Variants in TMEM74 observed in about 807,000 individuals in gnomAD.
TMEM74 encodes the protein transmembrane protein 74.
TMEM74 carries 13 observed loss-of-function variants against 18.1 expected under a neutral mutation model. That is an observed-to-expected ratio of 0.72 (90% confidence interval 0.47 to 1.14). TMEM74 has a LOEUF of 1.14. Ranked by LOEUF, TMEM74 falls within the 50% of genes most tolerant of loss-of-function variation. TMEM74 has a pLI of 0.00. For synonymous variants in TMEM74, 159 were observed against 146.6 expected (o/e 1.08, Z -0.61); for missense variants, 372 against 375.9 (o/e 0.99, Z 0.09).
intron 1 of TMEM74, among the ~76,000 whole-genome samples, chr8:108,657,883 T>TATATATATATATATTAATTAC (rs1812859464): frequency 8.8e-6 from 1 of 113,828 alleles, no homozygotes; most frequent in African/African-American, 3.6e-5. Context: ...TATATATATA[T>TATATATATATATATTAATTAC]ATATATATAT....
intron 1 of TMEM74, among the ~76,000 whole-genome samples, chr8:108,662,898 TA>T (rs1296549455): frequency 1.3e-5 from 2 of 152,118 alleles, no homozygotes; most frequent in African/African-American, 4.8e-5. Flanking sequence ...TTACCACAGG[TA>T]GAACATGGGG....
intron 2 of TMEM74, among the ~76,000 whole-genome samples, chr8:108,624,156 C>T (rs1346194031): frequency 3.3e-5 from 5 of 152,046 alleles, no homozygotes; most frequent in Non-Finnish European, 7.4e-5. Flanking sequence ...AGAATTTTGA[C>T]CTCCTTTTAT....
chr8:108,667,688 A>T (rs988665625), intron 1 of TMEM74, among the ~76,000 whole-genome samples: 1 of 152,130 alleles, frequency 6.6e-6, no homozygotes, highest in African/African-American at 2.4e-5. Context: ...TAATGGTCTC[A>T]TTCATCATTT....
chr8:108,745,803 GTAGT>G (rs1813843139), intron 1 of TMEM74, among the ~76,000 whole-genome samples: 1 of 152,116 alleles, frequency 6.6e-6, no homozygotes, highest in South Asian at 2.1e-4. Flanking sequence ...CCTGGGCCTG[GTAGT>G]TAAAGATCGA....
intron 1 of TMEM74, among the ~76,000 whole-genome samples, chr8:108,692,523 A>G (rs964621646): frequency 6.6e-5 from 10 of 152,268 alleles, no homozygotes; most frequent in Admixed American, 3.3e-4. Context: ...CCCACATTTA[A>G]TAACCAATGA....
At chr8:108,703,831 T>A (rs1813362854) in intron 1 of TMEM74, among the ~76,000 whole-genome samples, 1 of 152,278 alleles carries the variant, frequency 6.6e-6, no homozygotes, top group African/African-American at 2.4e-5. Flanking sequence ...ATACCAGGAT[T>A]TTTGCTAACT....
At chr8:108,643,223 G>A (rs1031499339) in intron 2 of TMEM74, among the ~76,000 whole-genome samples, 1 of 152,146 alleles carries the variant, frequency 6.6e-6, no homozygotes, top group South Asian at 2.1e-4. Context: ...AACACAGATT[G>A]CTGTACCCAA....
intron 1 of TMEM74, among the ~76,000 whole-genome samples, chr8:108,660,595 A>G (rs900413022): frequency 9.9e-5 from 15 of 152,188 alleles, no homozygotes; most frequent in Non-Finnish European, 1.6e-4. Flanking sequence ...GTCCAGGTAA[A>G]TAAGATTTAA....
chr8:108,673,697 A>G (rs1813025941), intron 1 of TMEM74, among the ~76,000 whole-genome samples: 1 of 152,232 alleles, frequency 6.6e-6, no homozygotes, highest in Non-Finnish European at 1.5e-5. Context: ...AGAATAACCC[A>G]ATGCCAGAGA....
intron 1 of TMEM74, among the ~76,000 whole-genome samples, chr8:108,705,749 G>T (rs1482943843): frequency 1.3e-5 from 2 of 152,182 alleles, no homozygotes; most frequent in Non-Finnish European, 2.9e-5. Flanking sequence ...ACACACATGA[G>T]TTGTATTATA....
intron 2 of TMEM74, among the ~76,000 whole-genome samples, chr8:108,632,314 G>A (rs971027979): frequency 6.6e-6 from 1 of 151,838 alleles, no homozygotes; most frequent in Non-Finnish European, 1.5e-5. Flanking sequence ...ACAACACTGT[G>A]GTGCATACTT....
At chr8:108,786,665 C>A (rs78177574) in intron 1 of TMEM74, among the ~76,000 whole-genome samples, 4 of 152,140 alleles carry the variant, frequency 2.6e-5, no homozygotes, top group African/African-American at 9.7e-5. Context: ...CTAGAACAAA[C>A]CCCCACTAAA....
At chr8:108,626,445 A>G (rs1024781876) in intron 2 of TMEM74, 2 of 152,062 alleles carry the variant, frequency 1.3e-5, no homozygotes, top group East Asian at 3.9e-4. Context: ...TGCAGTATTA[A>G]TGTTTGCCAT....
intron 1 of TMEM74, among the ~76,000 whole-genome samples, chr8:108,725,383 T>C (rs1813626857): frequency 6.6e-6 from 1 of 152,132 alleles, no homozygotes; most frequent in South Asian, 2.1e-4. Context: ...AAAAGGAAAA[T>C]AGGGGCTCAA....
intron 1 of TMEM74, among the ~76,000 whole-genome samples, chr8:108,732,258 A>G (rs1304600220): frequency 2.0e-5 from 3 of 152,218 alleles, no homozygotes; most frequent in African/African-American, 7.2e-5. Context: ...GACCGAAGTA[A>G]ATAGAAAGAA....
chr8:108,721,201 G>C (rs1387128574), intron 1 of TMEM74, among the ~76,000 whole-genome samples: 2 of 152,124 alleles, frequency 1.3e-5, no homozygotes, highest in Non-Finnish European at 2.9e-5. Flanking sequence ...CCCAACCTCT[G>C]TATCCAAGAC....
chr8:108,759,254 G>A (rs1256985738), intron 1 of TMEM74, among the ~76,000 whole-genome samples: 2 of 151,964 alleles, frequency 1.3e-5, no homozygotes, highest in Non-Finnish European at 2.9e-5. Flanking sequence ...TTGTGAGGGT[G>A]GATTAAGTAT....
intron 1 of TMEM74, among the ~76,000 whole-genome samples, chr8:108,686,797 C>T (rs1813175007): frequency 1.3e-5 from 2 of 152,078 alleles, no homozygotes; most frequent in South Asian, 4.1e-4. Context: ...CAGTACAAAG[C>T]TCATGCTGCA....
chr8:108,710,986 A>G (rs192344403), intron 1 of TMEM74, among the ~76,000 whole-genome samples: 1 of 152,240 alleles, frequency 6.6e-6, no homozygotes, highest in African/African-American at 2.4e-5. Flanking sequence ...GTCATGTACA[A>G]TGTAAACATC....
Sources: gnomAD v4.1 joint callset for allele counts (sites outside exome capture counted in the v4.1 genomes callset) on GRCh38, gnomAD v4.1.1 for gene constraint, MANE v1.5 for transcripts, NCBI Gene and HGNC (gene_info 2026-07-23, HGNC 2026-07-21) for gene names.